Variants in RIPOR2 observed in about 807,000 individuals in gnomAD.
RIPOR2 encodes the protein rho family-interacting cell polarization regulator 2.
RIPOR2 carries 39 observed loss-of-function variants against 114.5 expected under a neutral mutation model. The ratio of observed to expected loss-of-function variants is 0.34; its 90% CI spans 0.26 to 0.44. The LOEUF (loss-of-function observed/expected upper bound fraction) is 0.44, where lower values mean the gene tolerates loss of function less well. RIPOR2 is among the 20% of genes least tolerant of loss of function. The pLI is 1.00. For missense variants in RIPOR2, 1,007 were observed against 1,255.1 expected (o/e 0.80, Z 2.99); for synonymous variants, 445 against 484.4 (o/e 0.92, Z 1.07).
intron 15 of RIPOR2, 56 bp downstream of exon 15, chr6:24,835,647 C>G: frequency 6.7e-7 from 1 of 1,499,620 alleles, no homozygotes; most frequent in Non-Finnish European, 9.1e-7. Context: ...TGAAAGCACA[C>G]TTCCTGGTAT....
intron 16 of RIPOR2, 98 bp downstream of exon 16, chr6:24,832,158 T>C (rs1301659560): frequency 2.5e-6 from 3 of 1,199,118 alleles, no homozygotes; most frequent in African/African-American, 3.1e-5. Context: ...AGAATGCTTT[T>C]CTGTTTTTCC....
intron 8 of RIPOR2, 149 bp downstream of exon 8, chr6:24,860,824 C>T: frequency 1.7e-6 from 1 of 582,664 alleles, no homozygotes. Context: ...TGAGAAGCAT[C>T]AGTAAACTAT....
chr6:25,007,873 T>C (rs1246513580), intron 1 of RIPOR2, among the ~76,000 whole-genome samples: 1 of 152,040 alleles, frequency 6.6e-6, no homozygotes, highest in East Asian at 1.9e-4. Flanking sequence ...CAAATAAGCA[T>C]GCTGTAGCCC....
intron 1 of RIPOR2, among the ~76,000 whole-genome samples, chr6:25,029,561 G>A (rs1365857828): frequency 3.9e-5 from 6 of 151,920 alleles, no homozygotes; most frequent in South Asian, 2.1e-4. Context: ...TCACAGATGA[G>A]CAGGGGCAAG....
At position 24,850,609 on chromosome 6, in the gene RIPOR2, G is replaced by A; in HGVS notation, c.873C>T (p.Phe291=). ...GACAATACTGTACCTTGATGGAGAT[G>A]AACCCAACTATCAGGGGCAGAAAAA... ...ETVFLPLIVG[F]ISIKVTELKG... is the part of the protein sequence containing the mutation. The change falls in exon 10 of 22, where the codon TTC becomes TTT. Residue 291 remains phenylalanine (F), a synonymous_variant. Transcript: ENST00000643898. 2.5e-6 allele frequency: 4 copies of A among 1,613,916 alleles called. No individual in the cohort carries two copies. Among genetic ancestry groups the A allele is most frequent in the Non-Finnish European group, 3.4e-6 (4 of 1,179,864 alleles).
chr6:24,987,623 T>C (rs1774591595), intron 1 of RIPOR2, among the ~76,000 whole-genome samples: 2 of 152,196 alleles, frequency 1.3e-5, no homozygotes, highest in South Asian at 4.1e-4. Flanking sequence ...ACAAGTGAGG[T>C]GGAAGGTCCA....
At chr6:24,940,728 C>G (rs994750207), upstream of RIPOR2, among the ~76,000 whole-genome samples, 2 of 152,172 alleles carry the variant, frequency 1.3e-5, no homozygotes, top group South Asian at 2.1e-4. Context: ...TCACTGCAAC[C>G]TCCACCTCCC....
intron 15 of RIPOR2, among the ~76,000 whole-genome samples, chr6:24,832,698 C>T (rs1158928748): frequency 6.6e-6 from 1 of 152,214 alleles, no homozygotes; most frequent in South Asian, 2.1e-4. Flanking sequence ...CCCTTTGAAA[C>T]GTGAGGGGCA....
At chr6:24,880,856 T>C (rs1044291026) in intron 1 of RIPOR2, among the ~76,000 whole-genome samples, 4 of 152,230 alleles carry the variant, frequency 2.6e-5, no homozygotes, top group African/African-American at 9.6e-5. Context: ...TAACATGCAC[T>C]ATACCTGATA....
chr6:24,968,509 C>A (rs1430460348), intron 1 of RIPOR2, among the ~76,000 whole-genome samples: 1 of 152,144 alleles, frequency 6.6e-6, no homozygotes, highest in Non-Finnish European at 1.5e-5. Context: ...CACTAACCAG[C>A]GGTTCTTAGC....
rs34572978 is a variant in RIPOR2 at position 25,005,738 on chromosome 6, T to TATATATACATAC, written c.76+36112_76+36113insGTATGTATATAT. 1.0e-3 allele frequency among the ~76,000 whole-genome samples: 74 copies of TATATATACATAC among 70,686 alleles called. 2 individuals are homozygous for TATATATACATAC. The highest frequency in any genetic ancestry group is 2.1e-3 in the Non-Finnish European group (62 of 30,016). 46.4% of individuals were successfully genotyped at this position (70,686 alleles called of 152,430 possible). A position where few individuals can be genotyped will look rare whatever the true frequency, so the allele number is the denominator to read the frequency against. On this transcript the variant is annotated intron_variant, in intron 1 of 13. Transcript: ENST00000510784. Reference sequence around the variant, plus strand: ...ATATATATATATATATATATATATATATACATTTACCGATCAAAAGATATG... The same window carrying TATATATACATAC: ...ATATATATATATATATATATATATATATATATACATACATACATTTACCGATCAAAAGATATG...
At chr6:24,905,621 C>T (rs1214519605) in intron 1 of RIPOR2, among the ~76,000 whole-genome samples, 1 of 152,202 alleles carries the variant, frequency 6.6e-6, no homozygotes, top group Non-Finnish European at 1.5e-5. Flanking sequence ...AGGCCAAAGC[C>T]AAGTCATTCC....
chr6:24,979,814 C>T lies in RIPOR2; in HGVS notation c.76+62037G>A, dbSNP rs543730007. ...ACTGACAAATCCGGGTTCAAATCTC[C>T]ATTTAACTACTTACTGCCTTTGTAA... On this transcript the variant is annotated intron_variant, in intron 1 of 13. Coordinates refer to the RIPOR2 transcript ENST00000510784. 2.6e-5 allele frequency among the ~76,000 whole-genome samples: 4 copies of T among 152,318 alleles called. No homozygotes were observed. The South Asian group carries it at 8.3e-4, about 32-fold the overall frequency.
chr6:24,959,615 A>G (rs1016997770), intron 1 of RIPOR2, among the ~76,000 whole-genome samples: 2 of 152,196 alleles, frequency 1.3e-5, no homozygotes, highest in Non-Finnish European at 2.9e-5. Flanking sequence ...GGAGGAACAC[A>G]CATTAGATAA....
intron 1 of RIPOR2, among the ~76,000 whole-genome samples, chr6:24,910,314 T>C (rs1441186806): frequency 3.3e-5 from 5 of 152,154 alleles, no homozygotes; most frequent in Non-Finnish European, 7.4e-5. Flanking sequence ...TGGTTCATAG[T>C]CCAGCTCAAA....
chr6:24,889,673 C>A (rs1388192385), intron 1 of RIPOR2, among the ~76,000 whole-genome samples: 3 of 151,998 alleles, frequency 2.0e-5, no homozygotes, highest in African/African-American at 7.2e-5. Context: ...TGCTTTAAAA[C>A]AACGTATGTC....
intron 6 of RIPOR2, among the ~76,000 whole-genome samples, chr6:24,866,432 G>T (rs1257869564): frequency 1.3e-5 from 2 of 152,048 alleles, no homozygotes; most frequent in African/African-American, 4.8e-5. Flanking sequence ...TAGAGGCCAG[G>T]CATGCTGCTA....
chr6:24,963,649 T>C (rs673285), intron 1 of RIPOR2, among the ~76,000 whole-genome samples: 120,983 of 152,160 alleles, frequency 0.8, 51,657 homozygotes, highest in East Asian at 0.96. Context: ...GGAATTTGCA[T>C]TGTTAAGAGA....
intron 8 of RIPOR2, among the ~76,000 whole-genome samples, chr6:24,855,064 A>G (rs1480078196): frequency 2.7e-5 from 4 of 150,736 alleles, no homozygotes; most frequent in Non-Finnish European, 5.9e-5. Flanking sequence ...ACAAAACCTT[A>G]CATAGAGTAT....
Sources: allele counts gnomAD v4.1 joint callset (sites outside exome capture counted in the v4.1 genomes callset), GRCh38; gene constraint gnomAD v4.1.1; transcripts MANE v1.5; gene names NCBI Gene and HGNC (gene_info 2026-07-23, HGNC 2026-07-21).